PHIP: variants seen among roughly 807,000 people sequenced by gnomAD.
PHIP encodes the protein PH-interacting protein.
A neutral mutation model predicts 236.8 loss-of-function variants in PHIP; 54 were observed. The observed-to-expected ratio is 0.23, with a 90% CI of 0.18 to 0.29. The LOEUF (loss-of-function observed/expected upper bound fraction) is 0.29. Among genes scored for constraint, PHIP ranks in the 10% least tolerant of loss-of-function variants. The probability of loss-of-function intolerance (pLI) is 1.00; values close to 1 mark genes in which losing one functional copy is unlikely to be tolerated. For synonymous variants in PHIP, 756 were observed against 718.9 expected (o/e 1.05, Z -0.83); for missense variants, 1,370 against 2,190.8 (o/e 0.63, Z 7.48).
chr6:78,968,930 A>G (rs1373408439), intron 27 of PHIP, among the ~76,000 whole-genome samples: 1 of 152,180 alleles, frequency 6.6e-6, no homozygotes, highest in Non-Finnish European at 1.5e-5. Flanking sequence ...TGGACCTGCT[A>G]GGTAGCTGCT....
intron 27 of PHIP, among the ~76,000 whole-genome samples, chr6:78,968,748 A>C (rs186141759): frequency 1.3e-5 from 2 of 152,108 alleles, no homozygotes; most frequent in Admixed American, 6.5e-5. Flanking sequence ...TAATTGCTTC[A>C]TTTTTTTAAT....
intron 16 of PHIP, among the ~76,000 whole-genome samples, chr6:79,002,834 G>C (rs1436094710): frequency 6.6e-6 from 1 of 151,982 alleles, no homozygotes; most frequent in Admixed American, 6.6e-5. Context: ...TAGGTATACA[G>C]TAAGTATGAT....
intron 23 of PHIP, among the ~76,000 whole-genome samples, chr6:78,980,154 C>T (rs1768415054): frequency 6.6e-6 from 1 of 151,984 alleles, no homozygotes; most frequent in Non-Finnish European, 1.5e-5. Context: ...GCAAGTCTGG[C>T]CTGCCACAAT....
In PHIP at chr6:79,026,043, G is replaced by A. The variant is rs1771384045; in HGVS notation, c.722C>T (p.Ala241Val). 1 of 1,613,866 alleles carries A rather than the reference G, an allele frequency of 6.2e-7. No individual in the cohort carries two copies. The highest frequency in any genetic ancestry group is 8.5e-7 in the Non-Finnish European group (1 of 1,179,922). The change falls in exon 8 of 40, where the codon GCA becomes GTA. Residue 241 changes from alanine to valine, a missense_variant. Ala to Val is a moderately conservative substitution (Grantham distance 64). This residue lies in a region of PHIP where 3 missense variants were observed against 35.3 expected (regional missense o/e 0.08). Transcript: ENST00000275034. Reference sequence around the variant, plus strand: ...GATCATTTTATCACAACTTCCAGCTGCTATCATGGTATTCTCATAGTTTAC... The same window carrying A: ...GATCATTTTATCACAACTTCCAGCTACTATCATGGTATTCTCATAGTTTAC... ...MAVNYENTMI[A>V]AGSCDKMIRV...
At chr6:78,978,954 C>T (rs1312693229) in intron 23 of PHIP, among the ~76,000 whole-genome samples, 1 of 152,066 alleles carries the variant, frequency 6.6e-6, no homozygotes, top group Non-Finnish European at 1.5e-5. Flanking sequence ...GAATTTGCTA[C>T]ATTCTGAATA....
intron 6 of PHIP, among the ~76,000 whole-genome samples, chr6:79,044,871 G>A (rs111361232): frequency 4.0e-4 from 61 of 152,146 alleles, no homozygotes; most frequent in African/African-American, 1.4e-3. Context: ...TCTCTTAAAA[G>A]AAAATGTTAC....
chr6:78,963,384 T>TA, intron 29 of PHIP, 132 bp from the exon 30 acceptor site: 1 of 599,618 alleles, frequency 1.7e-6, no homozygotes, highest in South Asian at 2.9e-5. Flanking sequence ...CTCTTTATTT[T>TA]AACAAAGGAA....
chr6:79,007,661 T>C (rs952842934), intron 15 of PHIP, among the ~76,000 whole-genome samples: 9 of 149,614 alleles, frequency 6.0e-5, no homozygotes, highest in African/African-American at 2.2e-4. Context: ...GTTCTTTTTT[T>C]TTTTTTTTTT....
At chr6:79,019,985 T>A (rs564559042) in intron 9 of PHIP, among the ~76,000 whole-genome samples, 1 of 152,298 alleles carries the variant, frequency 6.6e-6, no homozygotes, top group South Asian at 2.1e-4. Flanking sequence ...CATTTTGGCA[T>A]AGTTCTTCTA....
intron 7 of PHIP, among the ~76,000 whole-genome samples, chr6:79,041,071 C>T (rs1336651423): frequency 6.6e-6 from 1 of 152,066 alleles, no homozygotes; most frequent in Non-Finnish European, 1.5e-5. Flanking sequence ...CAATTTTTTT[C>T]TGTACAGAGC....
intron 6 of PHIP, among the ~76,000 whole-genome samples, chr6:79,057,306 C>T (rs572411052): frequency 5.3e-5 from 8 of 152,078 alleles, no homozygotes; most frequent in East Asian, 3.9e-4. Context: ...AATAAGAAAA[C>T]GTAATTAGTG....
At chr6:78,990,739 C>A in intron 20 of PHIP, 129 bp downstream of exon 20, 1 of 501,470 alleles carries the variant, frequency 2.0e-6, no homozygotes, top group South Asian at 4.0e-5. Flanking sequence ...CCAGAGATAA[C>A]CAAGATTTAC....
intron 15 of PHIP, among the ~76,000 whole-genome samples, chr6:79,006,064 A>G (rs1157950603): frequency 6.6e-6 from 1 of 152,046 alleles, no homozygotes; most frequent in African/African-American, 2.4e-5. Flanking sequence ...TTTAACTCCA[A>G]AGTGACTTTT....
chr6:78,969,857 T>G lies in PHIP; in HGVS notation c.3183A>C (p.Ala1061=). The change falls in exon 27 of 40, where the codon GCA becomes GCC. Residue 1061 remains alanine, a synonymous_variant. Transcript: ENST00000275034. ...CACCTATATTCCATCGCCTGTATTT[T>G]GCATCATCAAATTGTTGTCTCAAGA... ...FLVLRQQFDD[A]KYRRWNIGDR... 1 of 1,580,742 alleles carries G rather than the reference T, an allele frequency of 6.3e-7. No homozygotes were observed. Among genetic ancestry groups the G allele is most frequent in the Non-Finnish European group, 8.7e-7 (1 of 1,153,054 alleles).
chr6:79,051,942 T>G (rs1206320821), intron 6 of PHIP, among the ~76,000 whole-genome samples: 2 of 152,134 alleles, frequency 1.3e-5, no homozygotes, highest in African/African-American at 4.8e-5. Context: ...GTCAAACATT[T>G]TAATCACTCA....
At chr6:78,991,954 C>CA (rs1769274562) in intron 19 of PHIP, among the ~76,000 whole-genome samples, 2 of 150,352 alleles carry the variant, frequency 1.3e-5, no homozygotes, top group African/African-American at 2.4e-5. Context: ...CCAGTTCCCC[C>CA]AAATAGTAAC....
intron 15 of PHIP, among the ~76,000 whole-genome samples, chr6:79,005,613 G>C (rs992503453): frequency 6.6e-6 from 1 of 151,718 alleles, no homozygotes. Flanking sequence ...CAGAAGCCAA[G>C]AGAGAGAACA....
At chr6:78,973,210 G>A (rs1767745596) in intron 24 of PHIP, among the ~76,000 whole-genome samples, 3 of 152,130 alleles carry the variant, frequency 2.0e-5, no homozygotes, top group Admixed American at 2.0e-4. Context: ...AGAAGAGAGT[G>A]GGGGCCAATA....
At chr6:78,981,043 C>T (rs1768491974) in intron 23 of PHIP, among the ~76,000 whole-genome samples, 3 of 151,884 alleles carry the variant, frequency 2.0e-5, no homozygotes, top group Admixed American at 2.0e-4. Flanking sequence ...ATCTTATTCC[C>T]CAATAATTCC....
Sources: allele counts gnomAD v4.1 joint callset (sites outside exome capture counted in the v4.1 genomes callset), GRCh38; gene constraint gnomAD v4.1.1; regional missense constraint gnomAD v4.1.1; transcripts MANE v1.5; gene names NCBI Gene and HGNC (gene_info 2026-07-23, HGNC 2026-07-21).